The following ITSN2 variants were observed in gnomAD, a reference collection of about 807,000 sequenced individuals.
ITSN2 encodes intersectin-2.
ITSN2 carries 156 observed loss-of-function variants against 243.7 expected under a neutral mutation model. The ratio of observed to expected loss-of-function variants is 0.64; its 90% confidence interval spans 0.56 to 0.73. The LOEUF (loss-of-function observed/expected upper bound fraction) is 0.73. Among genes scored for constraint, ITSN2 ranks in the 30% least tolerant of loss-of-function variants. The probability of loss-of-function intolerance (pLI) is 0.00; values close to 1 mark genes in which losing one functional copy is unlikely to be tolerated. For missense variants in ITSN2, 1,801 were observed against 1,996.1 expected, an observed-to-expected ratio of 0.90 and a Z score of 1.86; for synonymous variants, 703 against 699.9, an observed-to-expected ratio of 1.00 and a Z score of -0.07.
At chr2:24,208,364 C>T (rs755085433) in intron 36 of ITSN2, 45 bp from the exon 37 acceptor site, 14 of 1,461,912 alleles carry the variant, frequency 9.6e-6, no homozygotes, top group Non-Finnish European at 9.6e-7. Flanking sequence ...CCCACCCTCA[C>T]AGGTCAGCGT....
chr2:24,295,879 TTTAG>T, intron 13 of ITSN2, 75 bp from the exon 14 acceptor site: 1 of 1,100,342 alleles, frequency 9.1e-7, no homozygotes, highest in Non-Finnish European at 1.3e-6. Flanking sequence ...GAATAATATT[TTTAG>T]TTAAATTTTA....
At chr2:24,297,557 T>C (rs927593339) in intron 13 of ITSN2, among the ~76,000 whole-genome samples, 3 of 143,512 alleles carry the variant, frequency 2.1e-5, no homozygotes, top group Middle Eastern at 3.6e-3. Context: ...TCTTTTTTTT[T>C]CCAAGCAAAT....
At chr2:24,345,188 T>C (rs1408880092) in intron 1 of ITSN2, among the ~76,000 whole-genome samples, 1 of 152,216 alleles carries the variant, frequency 6.6e-6, no homozygotes, top group African/African-American at 2.4e-5. Flanking sequence ...TAAAGGCTAC[T>C]GTATGGGATA....
At chr2:24,338,053 T>C (rs1333435923) in intron 1 of ITSN2, among the ~76,000 whole-genome samples, 1 of 152,160 alleles carries the variant, frequency 6.6e-6, no homozygotes, top group Non-Finnish European at 1.5e-5. Flanking sequence ...GTTCAGGCCG[T>C]GATGGGAAGT....
intron 19 of ITSN2, 25 bp downstream of exon 19, chr2:24,271,741 T>C: frequency 6.6e-7 from 1 of 1,504,914 alleles, no homozygotes; most frequent in Non-Finnish European, 8.8e-7. Flanking sequence ...TTTGTTCTAC[T>C]GTCTCAAAGT....
intron 1 of ITSN2, among the ~76,000 whole-genome samples, chr2:24,335,639 G>A (rs1686278309): frequency 6.6e-6 from 1 of 151,440 alleles, no homozygotes; most frequent in Non-Finnish European, 1.5e-5. Context: ...CAGCCTTCCA[G>A]GGCTGTTTGT....
chr2:24,285,738 G>T (rs1558553551), intron 16 of ITSN2, among the ~76,000 whole-genome samples: 1 of 152,188 alleles, frequency 6.6e-6, no homozygotes, highest in Non-Finnish European at 1.5e-5. Context: ...AAAGTTTATA[G>T]TGCCAGATTC....
Position 24,350,918 on chromosome 2 carries a change from TTAGA to T in ITSN2, c.-34+9382_-34+9385del, listed in dbSNP as rs112143315. On this transcript the variant is annotated intron_variant, in intron 1 of 39. Coordinates refer to ENST00000355123, the MANE Select transcript of ITSN2 (RefSeq NM_006277.3). ...TAAGAACGACGAAAATGTTCTAAAATTAGATAGTGATACTGGTTGCACAAGTCTG... is the reference window on the plus strand; with the variant it reads ...TAAGAACGACGAAAATGTTCTAAAATTAGTGATACTGGTTGCACAAGTCTG... Among the ~76,000 whole-genome samples the T allele has an allele frequency of 9.3e-4, 142 of 152,292 alleles. 1 individual carries two copies. Among genetic ancestry groups the T allele is most frequent in the Middle Eastern group, 3.4e-3 (1 of 294 alleles).
At position 24,312,379 on chromosome 2, in the gene ITSN2, A is replaced by C. The variant is rs751227510; in HGVS notation, c.189-4T>G. ...CTTGTTTAGGTCTGATAAAGCCCTAAAAGGAGCATGAGGTAGGTAGATTGC... is the reference window on the plus strand; with the variant it reads ...CTTGTTTAGGTCTGATAAAGCCCTACAAGGAGCATGAGGTAGGTAGATTGC... On this transcript the variant is annotated splice_region_variant and splice_polypyrimidine_tract_variant and intron_variant, in intron 4 of 39. Coordinates refer to ENST00000355123, the MANE Select transcript of ITSN2 (RefSeq NM_006277.3). 2.5e-5 allele frequency: 40 copies of C among 1,601,690 alleles called. No homozygotes were observed. Among genetic ancestry groups the C allele is most frequent in the Non-Finnish European group, 3.2e-5 (37 of 1,173,252 alleles).
At chr2:24,294,480 T>C (rs1680686137) in intron 14 of ITSN2, among the ~76,000 whole-genome samples, 1 of 152,148 alleles carries the variant, frequency 6.6e-6, no homozygotes, top group Admixed American at 6.5e-5. Context: ...TATTTTTGGC[T>C]TTTGTTTATC....
At position 24,341,918 on chromosome 2, in the gene ITSN2, T is replaced by C. The variant is rs185123021; in HGVS notation, c.-33-13803A>G. Among the ~76,000 whole-genome samples, 841 of 152,230 alleles carry C rather than the reference T, an allele frequency of 5.5e-3. 6 individuals carry two copies. The highest frequency in any genetic ancestry group is 0.041 in the Middle Eastern group (12 of 294). On this transcript the variant is annotated intron_variant, in intron 1 of 39. Coordinates refer to ENST00000355123, the MANE Select transcript of ITSN2 (RefSeq NM_006277.3). Reference sequence around the variant, plus strand: ...AGGCAGAGTTATTATAAGGCTTTAGTTTTTAGGTGACAGAACAAAACTATT... The same window carrying C: ...AGGCAGAGTTATTATAAGGCTTTAGCTTTTAGGTGACAGAACAAAACTATT...
intron 2 of ITSN2, among the ~76,000 whole-genome samples, chr2:24,321,172 G>A (rs892105513): frequency 3.3e-5 from 5 of 152,152 alleles, no homozygotes; most frequent in Admixed American, 6.6e-5. Flanking sequence ...GTTTCTTCCC[G>A]AGCTTGGGAT....
At position 24,302,244 on chromosome 2, in the gene ITSN2, C is replaced by G. The variant is rs560401726; in HGVS notation, c.858-142G>C. 9.3e-5 allele frequency: 36 copies of G among 388,722 alleles called. No individual in the cohort carries two copies. The Admixed American group carries it at 1.6e-3, about 17-fold the overall frequency. The allele number at this position is 388,722 out of a possible 1,614,324, so 24.1% of individuals were successfully genotyped here. Reference sequence around the variant, plus strand: ...GATGGAGTCTAGCTCTGTCGCTCAACCTGGAGTGCAGTGGCGCGATCTCAG... The same window carrying G: ...GATGGAGTCTAGCTCTGTCGCTCAAGCTGGAGTGCAGTGGCGCGATCTCAG... On this transcript the variant is annotated intron_variant, in intron 9 of 39. Transcript: ENST00000355123.
At chr2:24,258,435 T>C (rs1181346306) in intron 22 of ITSN2, among the ~76,000 whole-genome samples, 1 of 152,238 alleles carries the variant, frequency 6.6e-6, no homozygotes, top group Non-Finnish European at 1.5e-5. Context: ...CTTTTTTCTC[T>C]TCCAGCTTGC....
At chr2:24,359,800 G>C (rs148693409) in intron 1 of ITSN2, among the ~76,000 whole-genome samples, 1 of 152,260 alleles carries the variant, frequency 6.6e-6, no homozygotes, top group Non-Finnish European at 1.5e-5. Flanking sequence ...CTGTCCTCTC[G>C]TGACTCGGGC....
intron 29 of ITSN2, among the ~76,000 whole-genome samples, chr2:24,245,505 G>A (rs1307452174): frequency 6.6e-6 from 1 of 151,302 alleles, no homozygotes; most frequent in Non-Finnish European, 1.5e-5. Flanking sequence ...TTGAGACAGG[G>A]TTTCACCTTG....
intron 29 of ITSN2, among the ~76,000 whole-genome samples, chr2:24,235,500 G>A (rs1672060970): frequency 6.6e-6 from 1 of 152,156 alleles, no homozygotes; most frequent in South Asian, 2.1e-4. Context: ...ATGACATGAT[G>A]TAGGTGCATC....
chr2:24,223,390 T>A (rs576142545), intron 29 of ITSN2, among the ~76,000 whole-genome samples: 1 of 152,038 alleles, frequency 6.6e-6, no homozygotes, highest in African/African-American at 2.4e-5. Context: ...TGTTTGGTGT[T>A]TCTAAAAAGA....
intron 5 of ITSN2, among the ~76,000 whole-genome samples, chr2:24,311,376 CTGT>C (rs1001005859): frequency 2.0e-5 from 3 of 152,112 alleles, no homozygotes; most frequent in Non-Finnish European, 4.4e-5. Flanking sequence ...TTTGTGGAGT[CTGT>C]TGTTTGTTTG....
Sources: allele counts gnomAD v4.1 joint callset (sites outside exome capture counted in the v4.1 genomes callset), GRCh38; gene constraint gnomAD v4.1.1; transcripts MANE v1.5; gene names NCBI Gene and HGNC (gene_info 2026-07-23, HGNC 2026-07-21).